Variants in CCDC85A observed in about 807,000 individuals in gnomAD.
CCDC85A encodes coiled-coil domain-containing protein 85A.
In CCDC85A, 38 loss-of-function variants were observed where a neutral mutation model predicts 50.2. The observed-to-expected ratio is 0.76, with a 90% confidence interval of 0.58 to 0.99. CCDC85A has a LOEUF of 0.99. Ranked by LOEUF, CCDC85A falls within the 50% of genes least tolerant of loss-of-function variation. CCDC85A has a pLI of 0.00. For synonymous variants in CCDC85A, 366 were observed against 301.4 expected (o/e 1.21, Z -2.22); for missense variants, 820 against 742.0 (o/e 1.11, Z -1.22).
At chr2:56,213,671 G>T (rs1558587194) in intron 2 of CCDC85A, among the ~76,000 whole-genome samples, 1 of 151,844 alleles carries the variant, frequency 6.6e-6, no homozygotes, top group Non-Finnish European at 1.5e-5. Context: ...TTATTATTAT[G>T]CACTCTAGGA....
At chr2:56,326,734 A>T (rs983730689) in intron 2 of CCDC85A, among the ~76,000 whole-genome samples, 1 of 152,160 alleles carries the variant, frequency 6.6e-6, no homozygotes, top group Non-Finnish European at 1.5e-5. Context: ...TGCTTACAGT[A>T]TGTCATTCTT....
At chr2:56,376,137 GA>G (rs1676326493) in intron 5 of CCDC85A, among the ~76,000 whole-genome samples, 2 of 148,722 alleles carry the variant, frequency 1.3e-5, no homozygotes, top group African/African-American at 2.6e-5. Flanking sequence ...ACTTATGGTT[GA>G]ATCTCTAGTT....
Position 56,304,823 on chromosome 2 carries a change from C to T in CCDC85A, c.1241-38056C>T, listed in dbSNP as rs183377122. ...CAGCACTTTGGGGGGCCAGGGCGGG[C>T]GGATCACCTGAGGTCAGGAGTTTGA... On this transcript the variant is annotated intron_variant, in intron 2 of 5. Coordinates refer to ENST00000407595, the MANE Select transcript of CCDC85A (RefSeq NM_001080433.2). Among the ~76,000 whole-genome samples the T allele has an allele frequency of 6.9e-3, 1,042 of 151,608 alleles. 4 individuals are homozygous for T. The highest frequency in any genetic ancestry group is 0.013 in the African/African-American group (532 of 41,326).
intron 2 of CCDC85A, among the ~76,000 whole-genome samples, chr2:56,341,710 C>G (rs142679014): frequency 2.4e-4 from 36 of 152,304 alleles, no homozygotes; most frequent in Non-Finnish European, 4.3e-4. Flanking sequence ...GATAATGATT[C>G]TGAGCTTTCA....
chr2:56,342,485 A>C (rs1257228537), intron 2 of CCDC85A, among the ~76,000 whole-genome samples: 1 of 152,214 alleles, frequency 6.6e-6, no homozygotes. Context: ...TTTACTAATT[A>C]ATAATGATGT....
intron 3 of CCDC85A, among the ~76,000 whole-genome samples, chr2:56,368,977 T>C (rs1261503050): frequency 6.6e-6 from 1 of 152,080 alleles, no homozygotes; most frequent in Non-Finnish European, 1.5e-5. Context: ...AATTAAAACA[T>C]TATAAAGGAT....
chr2:56,332,675 G>GC (rs1400027894), intron 2 of CCDC85A, among the ~76,000 whole-genome samples: 21 of 97,918 alleles, frequency 2.1e-4, no homozygotes, highest in African/African-American at 8.4e-4. Context: ...CTCTCTCACT[G>GC]CCCCCCCTTT....
intron 5 of CCDC85A, chr2:56,383,809 T>C: frequency 2.2e-6 from 2 of 907,312 alleles, no homozygotes; most frequent in Non-Finnish European, 2.6e-6. Flanking sequence ...GGATGTATAA[T>C]ATAGGAACCA....
intron 2 of CCDC85A, among the ~76,000 whole-genome samples, chr2:56,301,921 C>G (rs531039169): frequency 6.6e-6 from 1 of 152,126 alleles, no homozygotes; most frequent in Non-Finnish European, 1.5e-5. Context: ...CAAACCTGCA[C>G]ATTCTGCACA....
At chr2:56,378,177 G>T (rs995191645) in intron 5 of CCDC85A, among the ~76,000 whole-genome samples, 1 of 152,280 alleles carries the variant, frequency 6.6e-6, no homozygotes, top group East Asian at 1.9e-4. Flanking sequence ...AGAGCCAGCT[G>T]TCTAGAGCTG....
rs948675940 is a variant in CCDC85A at position 56,229,657 on chromosome 2, G to C, written c.1240+36217G>C. On this transcript the variant is annotated intron_variant, in intron 2 of 5. Transcript: ENST00000407595. ...CTGTAGGTGGCCATAATTTTTTTTT[G>C]TTTGGTCTATTTGTCTTTAAAGATA... 3.3e-5 allele frequency among the ~76,000 whole-genome samples: 5 copies of C among 152,050 alleles called. No individual in the cohort carries two copies. In the South Asian group the frequency reaches 1.0e-3, roughly 32 times the overall value.
chr2:56,283,223 G>A (rs1478288115), intron 2 of CCDC85A, among the ~76,000 whole-genome samples: 1 of 152,140 alleles, frequency 6.6e-6, no homozygotes, highest in East Asian at 1.9e-4. Flanking sequence ...GATCTTAGAG[G>A]AAAAGCATTC....
Position 56,384,556 on chromosome 2 carries a change from C to T in CCDC85A, c.*201C>T, listed in dbSNP as rs1573385844. 1 of 500,118 alleles carries T rather than the reference C, an allele frequency of 2.0e-6. No individual in the cohort carries two copies. Among genetic ancestry groups the T allele is most frequent in the East Asian group, 3.0e-5 (1 of 33,052 alleles). 31.0% of individuals were successfully genotyped at this position (500,118 alleles called of 1,614,324 possible). ...ATTCTGTGTCTCTCACCTCAATGTC[C>T]ACAACAGTCAATCTCAAACAAGGTA... On this transcript the variant is annotated 3_prime_UTR_variant, in exon 6 of 6. Coordinates refer to ENST00000407595, the MANE Select transcript of CCDC85A (RefSeq NM_001080433.2).
intron 3 of CCDC85A, among the ~76,000 whole-genome samples, chr2:56,356,835 C>T (rs973303664): frequency 5.3e-5 from 8 of 150,160 alleles, no homozygotes; most frequent in Admixed American, 3.3e-4. Flanking sequence ...TTTGGGAGGC[C>T]GAGGCTTGTG....
intron 2 of CCDC85A, among the ~76,000 whole-genome samples, chr2:56,281,139 C>G (rs72927156): frequency 0.026 from 3,948 of 152,246 alleles, 151 homozygotes; most frequent in African/African-American, 0.087. Context: ...TTATTTATAT[C>G]ACATACATTA....
intron 2 of CCDC85A, among the ~76,000 whole-genome samples, chr2:56,290,545 A>C (rs1366319051): frequency 6.6e-6 from 1 of 152,214 alleles, no homozygotes; most frequent in Non-Finnish European, 1.5e-5. Flanking sequence ...ATCCATAGTT[A>C]ATAACATCAC....
intron 2 of CCDC85A, among the ~76,000 whole-genome samples, chr2:56,235,066 A>G (rs1668945180): frequency 6.6e-6 from 1 of 152,206 alleles, no homozygotes; most frequent in East Asian, 1.9e-4. Flanking sequence ...ATGGAGACCT[A>G]TGTAAAAGCT....
In CCDC85A at chr2:56,280,115, G is replaced by C. The variant is rs139567399; in HGVS notation, c.1241-62764G>C. The stretch of plus-strand genomic sequence containing the variant: ...AAGGCATGAATTCACTTAACGTATT[G>C]TGTCTCTCTCTCTTAGAACCTTTTC... On this transcript the variant is annotated intron_variant, in intron 2 of 5. Coordinates refer to ENST00000407595, the MANE Select transcript of CCDC85A (RefSeq NM_001080433.2). Among the ~76,000 whole-genome samples, 383 of 152,272 alleles carry C rather than the reference G, an allele frequency of 2.5e-3. 2 individuals are homozygous for C. Among genetic ancestry groups the C allele is most frequent in the Non-Finnish European group, 4.2e-3 (287 of 68,012 alleles).
At chr2:56,207,551 T>G (rs1246716206) in intron 2 of CCDC85A, among the ~76,000 whole-genome samples, 1 of 152,170 alleles carries the variant, frequency 6.6e-6, no homozygotes, top group Non-Finnish European at 1.5e-5. Flanking sequence ...TTGATTCTCC[T>G]TTTCACCTGA....
Sources: allele counts gnomAD v4.1 joint callset (sites outside exome capture counted in the v4.1 genomes callset), GRCh38; gene constraint gnomAD v4.1.1; transcripts MANE v1.5; gene names NCBI Gene and HGNC (gene_info 2026-07-23, HGNC 2026-07-21).